ATP7B: variants seen among roughly 807,000 people sequenced by gnomAD.
The protein encoded by ATP7B is copper-transporting ATPase 2.
Under a neutral mutation model 118.9 loss-of-function variants are expected in ATP7B, and 113 were observed. The ratio of observed to expected loss-of-function variants is 0.95; its 90% CI spans 0.82 to 1.11. The LOEUF (loss-of-function observed/expected upper bound fraction) is 1.11. Among genes scored for constraint, ATP7B ranks in the 50% most tolerant of loss-of-function variants. The pLI is 0.00. For synonymous variants in ATP7B, 777 were observed against 727.4 expected, an observed-to-expected ratio of 1.07 and a Z score of -1.10; for missense variants, 1,867 against 1,871.4, an observed-to-expected ratio of 1.00 and a Z score of 0.04.
chr13:51,951,168 C>A (rs1436616907), intron 9 of ATP7B, among the ~76,000 whole-genome samples: 1 of 151,848 alleles, frequency 6.6e-6, no homozygotes, highest in African/African-American at 2.4e-5. Flanking sequence ...TGGAAGTAAC[C>A]TGGACTACAG....
At chr13:51,939,025 C>A (rs370657513) in intron 17 of ATP7B, 26 bp downstream of exon 17, 2 of 1,614,116 alleles carry the variant, frequency 1.2e-6, no homozygotes, top group Non-Finnish European at 1.7e-6. Flanking sequence ...GAGCTTTACA[C>A]AGTTTGCAAC....
Position 51,974,171 on chromosome 13 carries a change from G to C in ATP7B, c.1049C>G (p.Pro350Arg), listed in dbSNP as rs201855906. 1 of 1,614,034 alleles carries C rather than the reference G, an allele frequency of 6.2e-7. No individual in the cohort carries two copies. Among genetic ancestry groups the C allele is most frequent in the Non-Finnish European group, 8.5e-7 (1 of 1,180,014 alleles). The part of the protein sequence containing the change: ...SSSSHSPGSP[P>R]RNQVQGTCST... Reference sequence around the variant, plus strand: ...GCATGTGCCCTGGACCTGGTTTCTCGGTGGGGAGCCAGGGGAATGAGAACT... The same window carrying C: ...GCATGTGCCCTGGACCTGGTTTCTCCGTGGGGAGCCAGGGGAATGAGAACT... Residue 350 changes from proline to arginine, a missense_variant, in exon 2 of 21, where the codon CCG becomes CGG. By Grantham distance (103) the Pro-to-Arg change is moderately radical. Transcript: ENST00000242839.
intron 4 of ATP7B, among the ~76,000 whole-genome samples, 175 bp downstream of exon 4, chr13:51,968,269 T>C (rs1367827941): frequency 6.6e-6 from 1 of 152,202 alleles, no homozygotes; most frequent in African/African-American, 2.4e-5. Flanking sequence ...TGACCTTTCT[T>C]AAAATGAACA....
Position 51,974,082 on chromosome 13 carries a change from T to G in ATP7B, c.1138A>C (p.Met380Leu). Reference sequence around the variant, plus strand: ...TGCACCCCTTCCAGTTGGGAGATCATGCCTTCAATGGAATGGACACAGGAT... The same window carrying G: ...TGCACCCCTTCCAGTTGGGAGATCAGGCCTTCAATGGAATGGACACAGGAT... ...CASCVHSIEG[M>L]ISQLEGVQQI... The change falls in exon 2 of 21, where the codon ATG becomes CTG. Residue 380 changes from methionine (M) to leucine (L), a missense_variant. Transcript: ENST00000242839. 1.9e-6 allele frequency: 3 copies of G among 1,614,124 alleles called. No homozygotes were observed. The highest frequency in any genetic ancestry group is 2.5e-6 in the Non-Finnish European group (3 of 1,180,040).
rs560437928 is a variant in ATP7B at position 51,958,623 on chromosome 13, G to A, written c.2122-79C>T. The stretch of plus-strand genomic sequence containing the variant: ...AGCGACACAGGGCCAAGGGCCCTGG[G>A]GATGGCAAAGCCTCTAGCTTTGTGC... On this transcript the variant is annotated intron_variant, in intron 7 of 20. Transcript: ENST00000242839. The A allele has an allele frequency of 1.6e-5, 20 of 1,258,554 alleles. No individual in the cohort carries two copies. In the South Asian group the frequency reaches 2.2e-4, roughly 14 times the overall value. The allele number at this position is 1,258,554 out of a possible 1,614,324, so 78.0% of individuals were successfully genotyped here.
chr13:52,005,429 A>G (rs1313887377), intron 1 of ATP7B, among the ~76,000 whole-genome samples: 5 of 152,214 alleles, frequency 3.3e-5, no homozygotes, highest in Admixed American at 3.3e-4. Flanking sequence ...TAGGGCACAG[A>G]CACAACTGAC....
At chr13:52,005,440 C>T (rs150124367) in intron 1 of ATP7B, among the ~76,000 whole-genome samples, 22 of 152,274 alleles carry the variant, frequency 1.4e-4, no homozygotes, top group Non-Finnish European at 3.1e-4. Context: ...CACAACTGAC[C>T]CACGTTCTCT....
intron 1 of ATP7B, among the ~76,000 whole-genome samples, chr13:51,990,855 C>T (rs1256057274): frequency 3.9e-5 from 6 of 152,312 alleles, no homozygotes; most frequent in Admixed American, 3.3e-4. Context: ...TTCGGGAGGC[C>T]GAGGCAGGTG....
intron 1 of ATP7B, among the ~76,000 whole-genome samples, chr13:52,005,969 T>C (rs1953749463): frequency 6.6e-6 from 1 of 152,238 alleles, no homozygotes; most frequent in African/African-American, 2.4e-5. Context: ...AAGGAACACC[T>C]GGCCCGCCCA....
chr13:51,984,308 G>T (rs779880187), intron 1 of ATP7B, among the ~76,000 whole-genome samples: 2 of 151,998 alleles, frequency 1.3e-5, no homozygotes, highest in Non-Finnish European at 2.9e-5. Context: ...GCAGAAGAAA[G>T]AATATCAGCG....
chr13:51,939,899 G>A lies in ATP7B; in HGVS notation c.3557-706C>T, dbSNP rs115964488. The stretch of plus-strand genomic sequence containing the variant: ...ATTTTATTTCTTGCTTGCATATACT[G>A]TTACTTCTATTAGCAGAAACTAACA... On this transcript the variant is annotated intron_variant, in intron 16 of 20. Transcript: ENST00000242839. Among the ~76,000 whole-genome samples, 991 of 149,566 alleles carry A rather than the reference G, an allele frequency of 6.6e-3. 6 individuals are homozygous for A. The highest frequency in any genetic ancestry group is 0.022 in the African/African-American group (913 of 40,766).
chr13:51,991,744 C>A (rs1330696188), intron 1 of ATP7B, among the ~76,000 whole-genome samples: 1 of 152,124 alleles, frequency 6.6e-6, no homozygotes, highest in Admixed American at 6.5e-5. Flanking sequence ...CCATTCTGGG[C>A]CTGAAAGGTT....
intron 2 of ATP7B, among the ~76,000 whole-genome samples, chr13:51,972,002 C>T (rs1951864468): frequency 6.6e-6 from 1 of 152,254 alleles, no homozygotes; most frequent in African/African-American, 2.4e-5. Context: ...CCAGCCATGT[C>T]CTGGTCCAGT....
At chr13:51,967,384 A>G (rs1300636794) in intron 4 of ATP7B, among the ~76,000 whole-genome samples, 1 of 152,250 alleles carries the variant, frequency 6.6e-6, no homozygotes, top group Non-Finnish European at 1.5e-5. Flanking sequence ...AAAATTGTTT[A>G]AAAGAAATGT....
chr13:51,999,234 G>A (rs185370006), intron 1 of ATP7B, among the ~76,000 whole-genome samples: 1 of 152,290 alleles, frequency 6.6e-6, no homozygotes, highest in Admixed American at 6.5e-5. Context: ...AAGAACAGTA[G>A]CAAAGAGCAG....
At chr13:51,993,927 C>T (rs1030898101) in intron 1 of ATP7B, among the ~76,000 whole-genome samples, 1 of 152,138 alleles carries the variant, frequency 6.6e-6, no homozygotes, top group Admixed American at 6.6e-5. Flanking sequence ...GAAGAGGCTC[C>T]CCTAGTCAGC....
At position 51,968,294 on chromosome 13, in the gene ATP7B, G is replaced by A. The variant is rs957027017; in HGVS notation, c.1707+150C>T. The A allele has an allele frequency of 4.4e-5, 52 of 1,194,282 alleles. No homozygotes were observed. The Admixed American group carries it at 8.6e-4, about 20-fold the overall frequency. 74.0% of individuals were successfully genotyped at this position (1,194,282 alleles called of 1,614,324 possible). ...TAAAATGAACAAGTCATTGTTGTCG[G>A]CTTCAAAGGAAAGTGAAACAAACAA... is the stretch of plus-strand genomic sequence containing the variant. On this transcript the variant is annotated intron_variant, in intron 4 of 20. Transcript: ENST00000242839.
At position 51,937,600 on chromosome 13, in the gene ATP7B, T is replaced by C. The variant is rs762536137; in HGVS notation, c.3779A>G (p.Lys1260Arg). The change falls in exon 18 of 21, where the codon AAG becomes AGG. Residue 1260 changes from lysine (K) to arginine (R), a missense_variant. Physicochemically the swap from Lys to Arg is conservative, Grantham distance 26. Coordinates refer to ENST00000242839, the MANE Select transcript of ATP7B (RefSeq NM_000053.4). ...CCCATCCCCCACCATGGCGACTTTC[T>C]TCCCTTTATTCTGGAGCTCCTGGAC... The part of the protein sequence containing the change: ...AKVQELQNKG[K>R]KVAMVGDGVN... The C allele has an allele frequency of 2.5e-6, 4 of 1,614,158 alleles. No homozygotes were observed. In the East Asian group the frequency reaches 8.9e-5, roughly 36 times the overall value.
intron 1 of ATP7B, among the ~76,000 whole-genome samples, chr13:51,989,166 T>A (rs887693134): frequency 6.6e-6 from 1 of 152,174 alleles, no homozygotes; most frequent in Non-Finnish European, 1.5e-5. Context: ...GTACTCTACA[T>A]AGTTTTCTCC....
Sources: gnomAD v4.1 joint callset for allele counts (sites outside exome capture counted in the v4.1 genomes callset) on GRCh38, gnomAD v4.1.1 for gene constraint, MANE v1.5 for transcripts, NCBI Gene and HGNC (gene_info 2026-07-23, HGNC 2026-07-21) for gene names.